Variants in KCNC2 observed in about 807,000 individuals in gnomAD.
KCNC2 encodes potassium voltage-gated channel subfamily C member 2.
KCNC2 carries 21 observed loss-of-function variants against 44.5 expected under a neutral mutation model. The observed-to-expected ratio is 0.47, with a 90% CI of 0.33 to 0.68. The LOEUF is 0.68. KCNC2 is among the 30% of genes least tolerant of loss of function. KCNC2 has a pLI of 0.01. For synonymous variants in KCNC2, 391 were observed against 339.1 expected (o/e 1.15, Z -1.68); for missense variants, 589 against 826.2 (o/e 0.71, Z 3.52).
At chr12:75,124,287 G>T (rs1888247370) in intron 2 of KCNC2, among the ~76,000 whole-genome samples, 1 of 152,146 alleles carries the variant, frequency 6.6e-6, no homozygotes, top group African/African-American at 2.4e-5. Flanking sequence ...AGGTTTACTT[G>T]ATCAAAATCT....
chr12:75,114,327 A>G (rs1031257122), intron 2 of KCNC2, among the ~76,000 whole-genome samples: 2 of 152,174 alleles, frequency 1.3e-5, no homozygotes, highest in African/African-American at 4.8e-5. Flanking sequence ...TTCATTTTGT[A>G]CCCTATAGCA....
intron 2 of KCNC2, among the ~76,000 whole-genome samples, chr12:75,148,761 T>C (rs1164290983): frequency 6.6e-6 from 1 of 151,902 alleles, no homozygotes; most frequent in African/African-American, 2.4e-5. Context: ...ACATTGAAAC[T>C]TTTTTGGCTT....
intron 1 of KCNC2, among the ~76,000 whole-genome samples, chr12:75,208,900 A>G (rs1438887870): frequency 2.0e-5 from 3 of 152,166 alleles, no homozygotes; most frequent in Admixed American, 2.0e-4. Context: ...AGAAGTGATC[A>G]ATGCATCCCA....
chr12:75,165,859 G>A (rs759379084), intron 2 of KCNC2, among the ~76,000 whole-genome samples: 8 of 151,374 alleles, frequency 5.3e-5, no homozygotes, highest in Admixed American at 1.3e-4. Context: ...AAATCCAACA[G>A]GCTAGCCATT....
chr12:75,105,455 T>C (rs1886708307), intron 2 of KCNC2, among the ~76,000 whole-genome samples: 1 of 152,190 alleles, frequency 6.6e-6, no homozygotes, highest in African/African-American at 2.4e-5. Context: ...GAAGCCATTC[T>C]TGTATTTTCA....
chr12:75,092,994 G>T (rs1885614951), intron 2 of KCNC2, among the ~76,000 whole-genome samples: 1 of 148,300 alleles, frequency 6.7e-6, no homozygotes, highest in South Asian at 2.1e-4. Flanking sequence ...TCTAGTGTGT[G>T]ATTGTGATTT....
At chr12:75,192,183 A>G (rs1340572667) in intron 2 of KCNC2, among the ~76,000 whole-genome samples, 1 of 152,224 alleles carries the variant, frequency 6.6e-6, no homozygotes, top group East Asian at 1.9e-4. Flanking sequence ...ACAGTGCGAT[A>G]AATAGGGATT....
rs777288838 is a variant in KCNC2, at chr12:75,051,234, A to G, written c.771T>C (p.Val257=). ...TGATGACTGGTTCTGTCTTGTTTTT[A>G]ACAATATTGAAAGCTTCATGTGTTT... ...CLETHEAFNI[V]KNKTEPVING... Residue 257 remains valine, a synonymous_variant, in exon 3 of 5, where the codon GTT becomes GTC. Coordinates refer to ENST00000549446, the MANE Select transcript of KCNC2 (RefSeq NM_139137.4). The G allele has an allele frequency of 6.2e-7, 1 of 1,610,960 alleles. No homozygotes were observed. Among genetic ancestry groups the G allele is most frequent in the South Asian group, 1.1e-5 (1 of 90,994 alleles).
chr12:75,133,244 C>G (rs1367438251), intron 2 of KCNC2, among the ~76,000 whole-genome samples: 1 of 151,698 alleles, frequency 6.6e-6, no homozygotes, highest in African/African-American at 2.4e-5. Context: ...CTATAGTTAA[C>G]AATAGTTTAC....
intron 2 of KCNC2, among the ~76,000 whole-genome samples, chr12:75,058,700 CCTG>C (rs1345296832): frequency 6.6e-6 from 1 of 151,926 alleles, no homozygotes; most frequent in African/African-American, 2.4e-5. Flanking sequence ...AGTCCAGGTA[CCTG>C]TAAACCAAAG....
intron 2 of KCNC2, among the ~76,000 whole-genome samples, chr12:75,054,332 T>C (rs749464946): frequency 2.0e-5 from 3 of 150,556 alleles, no homozygotes; most frequent in Non-Finnish European, 4.4e-5. Flanking sequence ...ATCTTAGGAT[T>C]CTAAGACAGA....
At chr12:75,134,646 G>A (rs1259757014) in intron 2 of KCNC2, among the ~76,000 whole-genome samples, 4 of 151,686 alleles carry the variant, frequency 2.6e-5, no homozygotes, top group African/African-American at 7.3e-5. Flanking sequence ...TAGAGTTAGA[G>A]TGGATTCTGC....
At position 75,042,947 on chromosome 12, in the gene KCNC2, C is replaced by T; in HGVS notation, c.*158G>A. 5 of 1,409,968 alleles carry T rather than the reference C, an allele frequency of 3.5e-6. No individual in the cohort carries two copies. Among genetic ancestry groups the T allele is most frequent in the Non-Finnish European group, 4.6e-6 (5 of 1,083,298 alleles). The allele number at this position is 1,409,968 out of a possible 1,614,324, so 87.3% of individuals were successfully genotyped here. ...AAGCCTGGGTAAGATTCATTAGCTACCCAAGTGGCATTTCTGACTTCAAAT... is the reference window on the plus strand; with the variant it reads ...AAGCCTGGGTAAGATTCATTAGCTATCCAAGTGGCATTTCTGACTTCAAAT... On this transcript the variant is annotated 3_prime_UTR_variant, in exon 5 of 5. Coordinates refer to ENST00000549446, the MANE Select transcript of KCNC2 (RefSeq NM_139137.4).
intron 2 of KCNC2, among the ~76,000 whole-genome samples, chr12:75,139,256 A>G (rs1889470760): frequency 6.6e-6 from 1 of 152,188 alleles, no homozygotes. Flanking sequence ...CAGTCACTTC[A>G]AGCATCCAGC....
Position 75,134,157 on chromosome 12 carries a change from G to A in KCNC2, c.687+73140C>T, listed in dbSNP as rs1487178627. On this transcript the variant is annotated intron_variant, in intron 2 of 4. Transcript: ENST00000549446. ...ACCTGGGCAAATGTCAGAGTCACCC[G>A]ACAGGTCAGTTATTTTCCACTTAAA... Among the ~76,000 whole-genome samples the A allele has an allele frequency of 2.0e-5, 3 of 151,840 alleles. No homozygotes were observed. The East Asian group carries it at 5.8e-4, about 29-fold the overall frequency.
At chr12:75,082,939 T>C (rs549298307) in intron 2 of KCNC2, among the ~76,000 whole-genome samples, 1 of 151,678 alleles carries the variant, frequency 6.6e-6, no homozygotes, top group South Asian at 2.1e-4. Context: ...GATATCCCTA[T>C]ACTGGTAAAC....
intron 2 of KCNC2, among the ~76,000 whole-genome samples, chr12:75,141,752 A>G (rs1889669185): frequency 6.6e-6 from 1 of 152,174 alleles, no homozygotes. Context: ...GACTGGGTTG[A>G]GAGAAGAACA....
Position 75,207,546 on chromosome 12 carries a change from G to A in KCNC2, c.438C>T (p.Thr146=), listed in dbSNP as rs1163739430. 1.3e-5 allele frequency: 21 copies of A among 1,612,098 alleles called. No individual in the cohort carries two copies. Among genetic ancestry groups the A allele is most frequent in the Non-Finnish European group, 1.8e-5 (21 of 1,179,884 alleles). The change falls in exon 2 of 5, where the codon ACC becomes ACT. Residue 146 remains threonine, a synonymous_variant. Coordinates refer to ENST00000549446, the MANE Select transcript of KCNC2 (RefSeq NM_139137.4). The surrounding 1 kb of genome is among the most constrained non-coding windows in gnomAD (Gnocchi z 4.1). ...TCATCCAGCAGCAGGGCTCCACGTC[G>A]GTCTCGTCGATGCCCCAGAAGGCCA... ...EELAFWGIDE[T]DVEPCCWMTY...
chr12:75,042,566 G>T lies in KCNC2; in HGVS notation c.*539C>A. On this transcript the variant is annotated 3_prime_UTR_variant, in exon 5 of 5. Transcript: ENST00000549446. The stretch of plus-strand genomic sequence containing the variant: ...ACAGTCGACCAATGCTTTCATATCA[G>T]CAGGATGGTTCGATGCAAGTACACA... 1.4e-6 allele frequency: 2 copies of T among 1,387,494 alleles called. No individual in the cohort carries two copies. The highest frequency in any genetic ancestry group is 1.9e-6 in the Non-Finnish European group (2 of 1,073,620). 85.9% of individuals were successfully genotyped at this position (1,387,494 alleles called of 1,614,324 possible).
Sources: allele counts gnomAD v4.1 joint callset (sites outside exome capture counted in the v4.1 genomes callset), GRCh38; gene constraint gnomAD v4.1.1; non-coding constraint Gnocchi (gnomAD v3.1); transcripts MANE v1.5; gene names NCBI Gene and HGNC (gene_info 2026-07-23, HGNC 2026-07-21).